Variants in GABRB2 observed in about 807,000 individuals in gnomAD.
GABRB2 encodes gamma-aminobutyric acid receptor subunit beta-2.
In GABRB2, 16 loss-of-function variants were observed where a neutral mutation model predicts 54.7. The ratio of observed to expected loss-of-function variants is 0.29; its 90% confidence interval spans 0.20 to 0.44. The LOEUF is 0.44. GABRB2 is among the 20% of genes least tolerant of loss of function. The pLI is 1.00. For synonymous variants in GABRB2, 244 were observed against 233.8 expected, an observed-to-expected ratio of 1.04 and a Z score of -0.40; for missense variants, 355 against 644.0, an observed-to-expected ratio of 0.55 and a Z score of 4.86.
intron 5 of GABRB2, among the ~76,000 whole-genome samples, chr5:161,343,269 C>T (rs531750286): frequency 2.9e-4 from 44 of 151,778 alleles, no homozygotes; most frequent in African/African-American, 1.1e-3. Context: ...TCAAAATAAT[C>T]GACCTAGGGT....
At chr5:161,429,251 G>T (rs1192054609) in intron 4 of GABRB2, among the ~76,000 whole-genome samples, 1 of 145,324 alleles carries the variant, frequency 6.9e-6, no homozygotes, top group Non-Finnish European at 1.5e-5. Context: ...GGAGGCTGAA[G>T]CAGGAGAATC....
intron 3 of GABRB2, among the ~76,000 whole-genome samples, chr5:161,503,669 A>G (rs77589797): frequency 5.4e-5 from 8 of 147,710 alleles, no homozygotes; most frequent in Non-Finnish European, 1.0e-4. Context: ...AGATCGCGCC[A>G]TTGCACTCCC....
chr5:161,403,865 G>T (rs1214493095), intron 5 of GABRB2, among the ~76,000 whole-genome samples: 1 of 152,088 alleles, frequency 6.6e-6, no homozygotes, highest in Non-Finnish European at 1.5e-5. Context: ...TTATGCAGGA[G>T]ACCAACAATC....
chr5:161,355,484 A>G (rs959024618), intron 5 of GABRB2, among the ~76,000 whole-genome samples: 2 of 151,652 alleles, frequency 1.3e-5, no homozygotes, highest in Admixed American at 1.3e-4. Context: ...ATGTATGCAC[A>G]TTGTATATAC....
intron 4 of GABRB2, among the ~76,000 whole-genome samples, chr5:161,447,326 G>A (rs1418046863): frequency 6.6e-6 from 1 of 152,110 alleles, no homozygotes; most frequent in Non-Finnish European, 1.5e-5. Flanking sequence ...GATGTAAAAT[G>A]CACAGATGCC....
intron 5 of GABRB2, among the ~76,000 whole-genome samples, chr5:161,379,278 T>C (rs1755394847): frequency 6.6e-6 from 1 of 152,076 alleles, no homozygotes. Context: ...CAACAACAAA[T>C]TGTGGACATT....
intron 9 of GABRB2, among the ~76,000 whole-genome samples, chr5:161,319,468 C>T (rs1170087210): frequency 6.7e-6 from 1 of 148,780 alleles, no homozygotes; most frequent in Non-Finnish European, 1.5e-5. Context: ...TTCAACTCAT[C>T]TATATGGAAA....
Position 161,528,250 on chromosome 5 carries a change from A to G in GABRB2, c.237+16977T>C, listed in dbSNP as rs116127441. 7.5e-3 allele frequency among the ~76,000 whole-genome samples: 1,132 copies of G among 151,900 alleles called. 7 individuals carry two copies. The highest frequency in any genetic ancestry group is 0.027 in the Middle Eastern group (8 of 292). On this transcript the variant is annotated intron_variant, in intron 3 of 9. Coordinates refer to ENST00000393959, the MANE Select transcript of GABRB2 (RefSeq NM_001371727.1). ...ATGTGAATTCCTATGAAGTCTGAAG[A>G]TACTGTGATCGTTTTGCTAACAGTA...
chr5:161,336,825 A>C (rs1464964413), intron 5 of GABRB2, 56 bp from the exon 6 acceptor site: 1 of 1,530,836 alleles, frequency 6.5e-7, no homozygotes, highest in African/African-American at 1.4e-5. Context: ...AAAAAAAAAA[A>C]AACAGACAAA....
chr5:161,320,917 C>T (rs891261759), intron 9 of GABRB2, among the ~76,000 whole-genome samples: 1 of 151,978 alleles, frequency 6.6e-6, no homozygotes, highest in African/African-American at 2.4e-5. Context: ...TTCTTCATTT[C>T]CTTCAGGTTA....
At chr5:161,525,145 A>C (rs770107267) in intron 3 of GABRB2, among the ~76,000 whole-genome samples, 10 of 151,244 alleles carry the variant, frequency 6.6e-5, no homozygotes, top group Admixed American at 2.0e-4. Flanking sequence ...AAGCATAGAC[A>C]GTGTGTAACC....
intron 5 of GABRB2, among the ~76,000 whole-genome samples, chr5:161,401,907 T>C (rs1283525000): frequency 1.3e-5 from 2 of 152,154 alleles, no homozygotes; most frequent in East Asian, 1.9e-4. Context: ...GTTCTATTTG[T>C]CTCTCCTGTC....
chr5:161,497,530 A>ATGTGTGTG (rs71587162), intron 3 of GABRB2, among the ~76,000 whole-genome samples: 2,650 of 147,362 alleles, frequency 0.018, 42 homozygotes, highest in African/African-American at 0.036. Flanking sequence ...GTGTGTGTAT[A>ATGTGTGTG]TGTGTGTGTG....
intron 3 of GABRB2, among the ~76,000 whole-genome samples, chr5:161,485,120 T>A (rs1223875756): frequency 6.6e-6 from 1 of 151,842 alleles, no homozygotes; most frequent in South Asian, 2.1e-4. Context: ...CTAAAATATA[T>A]ACCACTTTCT....
intron 4 of GABRB2, among the ~76,000 whole-genome samples, chr5:161,414,936 A>G (rs1756620800): frequency 6.6e-6 from 1 of 152,170 alleles, no homozygotes; most frequent in Non-Finnish European, 1.5e-5. Flanking sequence ...CTATTCCAAA[A>G]AGCTCAGGAA....
intron 4 of GABRB2, among the ~76,000 whole-genome samples, chr5:161,427,602 C>A (rs1400827184): frequency 1.1e-4 from 16 of 143,916 alleles, no homozygotes; most frequent in Non-Finnish European, 2.4e-4. Context: ...CTCAGCACAA[C>A]TTTGTTAATT....
chr5:161,309,738 C>G (rs893367513), intron 9 of GABRB2, among the ~76,000 whole-genome samples: 1 of 151,586 alleles, frequency 6.6e-6, no homozygotes, highest in Admixed American at 6.6e-5. Flanking sequence ...TCATGCCATT[C>G]TCCTGCCTCA....
At chr5:161,363,096 C>T (rs2113455057) in intron 5 of GABRB2, among the ~76,000 whole-genome samples, 1 of 152,290 alleles carries the variant, frequency 6.6e-6, no homozygotes, top group African/African-American at 2.4e-5. Context: ...AATTGCGGCA[C>T]TGTTCACAAT....
chr5:161,405,667 G>T (rs1756330100), intron 5 of GABRB2, among the ~76,000 whole-genome samples: 1 of 151,992 alleles, frequency 6.6e-6, no homozygotes, highest in Non-Finnish European at 1.5e-5. Flanking sequence ...ACGTTTACCT[G>T]GGGTGGAGAA....
Sources: gnomAD v4.1 joint callset for allele counts (sites outside exome capture counted in the v4.1 genomes callset) on GRCh38, gnomAD v4.1.1 for gene constraint, MANE v1.5 for transcripts, NCBI Gene and HGNC (gene_info 2026-07-23, HGNC 2026-07-21) for gene names.